The following CCDC174 variants were observed in gnomAD, a reference collection of about 807,000 sequenced individuals.
The protein encoded by CCDC174 is coiled-coil domain-containing protein 174.
A neutral mutation model predicts 57.1 loss-of-function variants in CCDC174; 37 were observed. The observed-to-expected ratio is 0.65, with a 90% CI of 0.50 to 0.85. The LOEUF is 0.85. Among genes scored for constraint, CCDC174 ranks in the 40% least tolerant of loss-of-function variants. CCDC174 has a pLI of 0.00. For synonymous variants in CCDC174, 182 were observed against 190.2 expected (o/e 0.96, Z 0.35); for missense variants, 540 against 574.3 (o/e 0.94, Z 0.61).
intron 4 of CCDC174, 84 bp downstream of exon 4, chr3:14,659,013 G>C: frequency 8.0e-7 from 1 of 1,245,466 alleles, no homozygotes; most frequent in Admixed American, 2.9e-5. Context: ...AATAACTGTA[G>C]GAGTAGAGAG....
chr3:14,662,426 G>A (rs1209648082), intron 5 of CCDC174, among the ~76,000 whole-genome samples: 1 of 130,678 alleles, frequency 7.7e-6, no homozygotes, highest in Non-Finnish European at 1.5e-5. Context: ...TTTTATTATT[G>A]TCATTTTCCT....
chr3:14,663,013 T>C (rs2031201186), intron 5 of CCDC174, among the ~76,000 whole-genome samples: 1 of 152,236 alleles, frequency 6.6e-6, no homozygotes, highest in African/African-American at 2.4e-5. Flanking sequence ...ATGCAGTCTC[T>C]TCTTTTGGTG....
chr3:14,667,663 G>C, intron 8 of CCDC174, 145 bp downstream of exon 8: 1 of 666,982 alleles, frequency 1.5e-6, no homozygotes, highest in Non-Finnish European at 2.6e-6. Context: ...TACTATTTTT[G>C]TGTTTCAAAT....
chr3:14,669,814 A>G (rs2031455262), intron 9 of CCDC174, 120 bp from the exon 10 acceptor site: 2 of 891,698 alleles, frequency 2.2e-6, no homozygotes, highest in East Asian at 2.7e-5. Flanking sequence ...TGCCTGGGAC[A>G]TGTTAGGTAC....
rs11717438 is a variant in CCDC174, at chr3:14,671,551, G to T, written c.*357G>T. Reference sequence around the variant, plus strand: ...TCTTTTCCATTCCTTTTGCAAATCCGAGCATGCAGGTGTCTTTATTCCAAG... The same window carrying T: ...TCTTTTCCATTCCTTTTGCAAATCCTAGCATGCAGGTGTCTTTATTCCAAG... On this transcript the variant is annotated 3_prime_UTR_variant, in exon 11 of 11. Transcript: ENST00000383794. The T allele has an allele frequency of 0.38, 68,362 of 181,602 alleles. 13,386 individuals carry two copies. The highest frequency in any genetic ancestry group is 0.46 in the African/African-American group (19,670 of 42,416). The allele number at this position is 181,602 out of a possible 1,614,324, so 11.2% of individuals were successfully genotyped here.
Position 14,651,785 on chromosome 3 carries a change from C to T in CCDC174, c.-52C>T, listed in dbSNP as rs948133193. 5 of 1,593,138 alleles carry T rather than the reference C, an allele frequency of 3.1e-6. No homozygotes were observed. Among genetic ancestry groups the T allele is most frequent in the African/African-American group, 2.7e-5 (2 of 74,498 alleles). ...TTGCGACGGAGGTAGGCTTACGAGG[C>T]CTGTGTCGGGTAGAAAGGGTCCTTC... On this transcript the variant is annotated 5_prime_UTR_variant, in exon 1 of 11. Coordinates refer to ENST00000383794, the MANE Select transcript of CCDC174 (RefSeq NM_016474.5).
intron 4 of CCDC174, among the ~76,000 whole-genome samples, chr3:14,660,964 T>C (rs2031112598): frequency 6.6e-6 from 1 of 152,262 alleles, no homozygotes; most frequent in African/African-American, 2.4e-5. Context: ...AGAGGGTGTC[T>C]TGCATATCTG....
Position 14,655,531 on chromosome 3 carries a change from A to G in CCDC174, c.150A>G (p.Lys50=). ...VFGKPKTTNK[K]PSIWSKQNVG... ...TGTCTTCTAAAATTATTCTCCAGAAACCAAGTATCTGGAGCAAACAGAATG... is the reference window on the plus strand; with the variant it reads ...TGTCTTCTAAAATTATTCTCCAGAAGCCAAGTATCTGGAGCAAACAGAATG... Residue 50 remains lysine (K), a splice_region_variant and synonymous_variant, in exon 3 of 11, where the codon AAA becomes AAG. Coordinates refer to ENST00000383794, the MANE Select transcript of CCDC174 (RefSeq NM_016474.5). 6.2e-7 allele frequency: 1 copy of G among 1,600,552 alleles called. No individual in the cohort carries two copies. Among genetic ancestry groups the G allele is most frequent in the Non-Finnish European group, 8.5e-7 (1 of 1,173,744 alleles).
At chr3:14,662,167 A>G (rs2031162219) in intron 5 of CCDC174, among the ~76,000 whole-genome samples, 1 of 152,166 alleles carries the variant, frequency 6.6e-6, no homozygotes, top group Non-Finnish European at 1.5e-5. Context: ...CGCCTGTGAC[A>G]TTGTTTGGCA....
intron 9 of CCDC174, 75 bp downstream of exon 9, chr3:14,668,256 C>A: frequency 7.2e-7 from 1 of 1,394,680 alleles, no homozygotes. Flanking sequence ...ATAGGGCTGG[C>A]AATGTGAAAA....
chr3:14,667,893 T>C, intron 8 of CCDC174, 156 bp from the exon 9 acceptor site: 1 of 669,144 alleles, frequency 1.5e-6, no homozygotes. Flanking sequence ...AGGAGAGTAC[T>C]TCATAGGGCT....
At position 14,655,509 on chromosome 3, in the gene CCDC174, C is replaced by T; in HGVS notation, c.148-20C>T. On this transcript the variant is annotated intron_variant, in intron 2 of 10. Transcript: ENST00000383794. ...TGGCAATCATGTGGTTCTGTTTTGT[C>T]TTCTAAAATTATTCTCCAGAAACCA... The T allele has an allele frequency of 1.3e-6, 2 of 1,541,732 alleles. No individual in the cohort carries two copies. Among genetic ancestry groups the T allele is most frequent in the Non-Finnish European group, 1.8e-6 (2 of 1,132,242 alleles).
chr3:14,668,948 C>T (rs1481942343), intron 9 of CCDC174, among the ~76,000 whole-genome samples: 2 of 152,194 alleles, frequency 1.3e-5, no homozygotes, highest in Non-Finnish European at 2.9e-5. Context: ...GCTTGCTCCC[C>T]TGCTCACCTG....
At position 14,661,545 on chromosome 3, in the gene CCDC174, A is replaced by G. The variant is rs2031136179; in HGVS notation, c.323A>G (p.Asp108Gly). 2 of 1,612,688 alleles carry G rather than the reference A, an allele frequency of 1.2e-6. No individual in the cohort carries two copies. Among genetic ancestry groups the G allele is most frequent in the Non-Finnish European group, 1.7e-6 (2 of 1,179,568 alleles). ...TATGTCCTAGATGAAGAAGTAGAGGATATGTACCTTGTGGATTTCACACAG... is the reference window on the plus strand; with the variant it reads ...TATGTCCTAGATGAAGAAGTAGAGGGTATGTACCTTGTGGATTTCACACAG... The part of the protein sequence containing the change: ...KGDFIDEEVE[D>G]MYLVDFTQKI... The change falls in exon 5 of 11, where the codon GAT becomes GGT. Residue 108 changes from aspartate (D) to glycine (G), a missense_variant. Transcript: ENST00000383794.
Position 14,661,583 on chromosome 3 carries a change from A to G in CCDC174, c.361A>G (p.Lys121Glu). ...GGATTTCACACAGAAGATCATAGAC[A>G]AGCGCAAAGAAATGGAGGCATCTGG... ...LVDFTQKIID[K>E]RKEMEASGAH... The change falls in exon 5 of 11, where the codon AAG (lysine) becomes GAG (glutamate). Residue 121 changes from lysine (K) to glutamate (E), a missense_variant. Transcript: ENST00000383794. The G allele has an allele frequency of 6.2e-7, 1 of 1,614,212 alleles. No individual in the cohort carries two copies. Among genetic ancestry groups the G allele is most frequent in the African/African-American group, 1.3e-5 (1 of 75,064 alleles).
chr3:14,671,862 C>T lies in CCDC174; in HGVS notation c.*668C>T, dbSNP rs1453823107. The stretch of plus-strand genomic sequence containing the variant: ...TGAAGGACTGGGACGTACGTGGAGG[C>T]TGCTGGACCTGGTCAGAGACTGATG... On this transcript the variant is annotated 3_prime_UTR_variant, in exon 11 of 11. Transcript: ENST00000383794. 6.6e-6 allele frequency: 1 copy of T among 152,546 alleles called. No homozygotes were observed. Among genetic ancestry groups the T allele is most frequent in the Non-Finnish European group, 1.5e-5 (1 of 68,262 alleles). The allele number at this position is 152,546 out of a possible 1,614,324, so 9.4% of individuals were successfully genotyped here. A position where few individuals can be genotyped will look rare whatever the true frequency, so the allele number is the denominator to read the frequency against.
chr3:14,666,672 G>T, intron 6 of CCDC174, 133 bp from the exon 7 acceptor site: 1 of 654,546 alleles, frequency 1.5e-6, no homozygotes, highest in Non-Finnish European at 2.5e-6. Flanking sequence ...GCAGTCTTGT[G>T]GGTCAGAAGC....
chr3:14,661,429 CAG>C (rs1258038655), intron 4 of CCDC174, 99 bp from the exon 5 acceptor site: 31 of 941,124 alleles, frequency 3.3e-5, no homozygotes, highest in Non-Finnish European at 4.9e-6. Context: ...GATGAGCTGT[CAG>C]GGGTGATGGG....
At position 14,652,663 on chromosome 3, in the gene CCDC174, A is replaced by G. The variant is rs547574941; in HGVS notation, c.42+785A>G. Reference sequence around the variant, plus strand: ...ACGCCTGTAATCCCAACACTTTGGGAGGCTGAGGCGGGCAGATCACCTGAG... The same window carrying G: ...ACGCCTGTAATCCCAACACTTTGGGGGGCTGAGGCGGGCAGATCACCTGAG... On this transcript the variant is annotated intron_variant, in intron 1 of 10. Transcript: ENST00000383794. 3.4e-4 allele frequency among the ~76,000 whole-genome samples: 52 copies of G among 152,214 alleles called. 2 individuals carry two copies. The South Asian group carries it at 0.011, about 32-fold the overall frequency.
Sources: gnomAD v4.1 joint callset for allele counts (sites outside exome capture counted in the v4.1 genomes callset) on GRCh38, gnomAD v4.1.1 for gene constraint, MANE v1.5 for transcripts, NCBI Gene and HGNC (gene_info 2026-07-23, HGNC 2026-07-21) for gene names.